Variants in TRPM3 observed in about 807,000 individuals in gnomAD.
The protein encoded by TRPM3 is long transient receptor potential channel 3.
Under a neutral mutation model 181.2 loss-of-function variants are expected in TRPM3, and 77 were observed. That is an observed-to-expected ratio of 0.42 (90% confidence interval 0.35 to 0.51). The LOEUF is 0.51. Ranked by LOEUF, TRPM3 falls within the 20% of genes least tolerant of loss-of-function variation. The pLI is 0.01. For synonymous variants in TRPM3, 745 were observed against 796.4 expected (o/e 0.94, Z 1.09); for missense variants, 1,759 against 2,196.7 (o/e 0.80, Z 3.98).
At chr9:71,035,155 G>C (rs188477799) in intron 1 of TRPM3, among the ~76,000 whole-genome samples, 1 of 151,912 alleles carries the variant, frequency 6.6e-6, no homozygotes, top group Non-Finnish European at 1.5e-5. Flanking sequence ...TTGCTTTTTC[G>C]TAATTAGTAA....
At position 71,148,769 on chromosome 9, in the gene TRPM3, T is replaced by G. The variant is rs565627980; in HGVS notation, c.184-284258A>C. ...TGAAAGTCATAGGGTGAATTTCAAC[T>G]AAGGAAGAGAGAGTAAGAACAGCAA... On this transcript the variant is annotated intron_variant, in intron 1 of 24. Coordinates refer to the TRPM3 transcript ENST00000357533. 2.0e-4 allele frequency among the ~76,000 whole-genome samples: 31 copies of G among 152,248 alleles called. No individual in the cohort carries two copies. The South Asian group carries it at 6.2e-3, about 31-fold the overall frequency.
intron 1 of TRPM3, among the ~76,000 whole-genome samples, chr9:71,430,810 TA>T (rs201095675): frequency 0.011 from 1,601 of 149,986 alleles, 18 homozygotes; most frequent in South Asian, 0.046. Context: ...GACTCCATTT[TA>T]AAAAAAAAAG....
chr9:70,952,109 TA>T (rs2097009170), intron 1 of TRPM3, among the ~76,000 whole-genome samples: 1 of 152,196 alleles, frequency 6.6e-6, no homozygotes. Flanking sequence ...ATTTCTGCCC[TA>T]AAAAGATCTG....
chr9:71,260,397 A>C (rs1328970903), intron 1 of TRPM3, among the ~76,000 whole-genome samples: 1 of 152,134 alleles, frequency 6.6e-6, no homozygotes, highest in African/African-American at 2.4e-5. Context: ...AATTTAAAGT[A>C]GTTTTTTCTA....
chr9:70,925,944 G>C (rs2096716807), intron 1 of TRPM3, among the ~76,000 whole-genome samples: 1 of 150,952 alleles, frequency 6.6e-6, no homozygotes, highest in African/African-American at 2.4e-5. Context: ...GATTCAGTAA[G>C]GTACATTGTG....
intron 1 of TRPM3, among the ~76,000 whole-genome samples, chr9:71,420,794 A>AAAGAAAGAGAGAAAGAGAGG (rs2093733448): frequency 1.5e-5 from 1 of 67,132 alleles, no homozygotes; most frequent in Non-Finnish European, 3.1e-5. Flanking sequence ...AGAAAGAGAG[A>AAAGAAAGAGAGAAAGAGAGG]GAAAGAAAGA....
At chr9:71,354,053 T>C (rs2132684666) in intron 1 of TRPM3, among the ~76,000 whole-genome samples, 1 of 152,274 alleles carries the variant, frequency 6.6e-6, no homozygotes, top group East Asian at 1.9e-4. Context: ...ACTCATCATA[T>C]GCTGTAACTG....
intron 6 of TRPM3, among the ~76,000 whole-genome samples, chr9:70,785,499 C>A (rs1283644358): frequency 1.3e-5 from 2 of 152,246 alleles, no homozygotes; most frequent in Non-Finnish European, 2.9e-5. Flanking sequence ...GCGCACACAG[C>A]AGTTATCTTA....
intron 1 of TRPM3, among the ~76,000 whole-genome samples, chr9:71,079,774 T>C (rs915359255): frequency 6.6e-6 from 1 of 151,830 alleles, no homozygotes; most frequent in African/African-American, 2.4e-5. Context: ...CTTTCTGGGG[T>C]TGGATTAGAA....
chr9:71,097,600 T>G (rs541833422), intron 1 of TRPM3, among the ~76,000 whole-genome samples: 1 of 151,680 alleles, frequency 6.6e-6, no homozygotes, highest in Admixed American at 6.6e-5. Flanking sequence ...TAAAACCAAA[T>G]ATATTCCATA....
At chr9:71,272,443 A>C (rs1447177196) in intron 1 of TRPM3, among the ~76,000 whole-genome samples, 1 of 152,196 alleles carries the variant, frequency 6.6e-6, no homozygotes, top group Non-Finnish European at 1.5e-5. Context: ...TCCTACAGAA[A>C]TACCAGGTAT....
chr9:71,365,147 G>T (rs114267848), intron 1 of TRPM3, among the ~76,000 whole-genome samples: 362 of 152,230 alleles, frequency 2.4e-3, no homozygotes, highest in African/African-American at 8.1e-3. Flanking sequence ...GACAGACAAA[G>T]CTTCCTCCAC....
intron 1 of TRPM3, among the ~76,000 whole-genome samples, chr9:71,436,298 C>CTTTTTTTTTTTTTT (rs71352382): frequency 3.9e-5 from 3 of 77,288 alleles, no homozygotes; most frequent in African/African-American, 8.9e-5. Flanking sequence ...TTTTTTCTTT[C>CTTTTTTTTTTTTTT]TTTTTTTTTT....
At chr9:70,539,552 C>A (rs1462947556) in intron 25 of TRPM3, among the ~76,000 whole-genome samples, 1 of 151,908 alleles carries the variant, frequency 6.6e-6, no homozygotes, top group Non-Finnish European at 1.5e-5. Context: ...ACTCTGCCAC[C>A]ATCCCCAGGT....
At chr9:70,658,723 T>A (rs544892449) in intron 9 of TRPM3, among the ~76,000 whole-genome samples, 1 of 152,050 alleles carries the variant, frequency 6.6e-6, no homozygotes, top group Non-Finnish European at 1.5e-5. Context: ...AGTGGTTTTA[T>A]AATCAGCTAT....
chr9:71,077,190 A>G (rs2063579913), intron 1 of TRPM3, among the ~76,000 whole-genome samples: 2 of 152,172 alleles, frequency 1.3e-5, no homozygotes. Context: ...AACTTCCTGA[A>G]TCAAAATCCC....
chr9:71,114,301 T>C (rs1036642502), intron 1 of TRPM3, among the ~76,000 whole-genome samples: 2 of 152,176 alleles, frequency 1.3e-5, no homozygotes, highest in African/African-American at 4.8e-5. Context: ...CGAAAGGCTA[T>C]TAAACACAAA....
intron 1 of TRPM3, among the ~76,000 whole-genome samples, chr9:70,934,149 C>T (rs2096801518): frequency 1.3e-5 from 2 of 152,096 alleles, no homozygotes; most frequent in Non-Finnish European, 2.9e-5. Context: ...AAGTATGATA[C>T]ATGAATTAGG....
At chr9:71,253,678 T>C (rs568826227) in intron 1 of TRPM3, among the ~76,000 whole-genome samples, 6 of 152,242 alleles carry the variant, frequency 3.9e-5, no homozygotes, top group Non-Finnish European at 5.9e-5. Flanking sequence ...AACTACCATA[T>C]GATCCAGACA....
Sources: allele counts gnomAD v4.1 joint callset (sites outside exome capture counted in the v4.1 genomes callset), GRCh38; gene constraint gnomAD v4.1.1; transcripts MANE v1.5; gene names NCBI Gene and HGNC (gene_info 2026-07-23, HGNC 2026-07-21).